The following CSMD3 variants were observed in gnomAD, a reference collection of about 807,000 sequenced individuals.
CSMD3 encodes CUB and Sushi multiple domains 3.
In CSMD3, 177 loss-of-function variants were observed where a neutral mutation model predicts 435.2. That is an observed-to-expected ratio of 0.41 (90% confidence interval 0.36 to 0.46). CSMD3 has a LOEUF of 0.46. Ranked by LOEUF, CSMD3 falls within the 20% of genes least tolerant of loss-of-function variation. CSMD3 has a pLI of 0.34. For missense variants in CSMD3, 4,265 were observed against 4,504.6 expected (o/e 0.95, Z 1.52); for synonymous variants, 1,656 against 1,520.5 (o/e 1.09, Z -2.07).
chr8:112,673,612 A>G (rs188145582), intron 16 of CSMD3, among the ~76,000 whole-genome samples: 1 of 152,242 alleles, frequency 6.6e-6, no homozygotes, highest in East Asian at 1.9e-4. Context: ...TGCTTCCTCA[A>G]AAGAACTCTC....
At chr8:112,264,174 G>T (rs923286646) in intron 60 of CSMD3, among the ~76,000 whole-genome samples, 2 of 152,024 alleles carry the variant, frequency 1.3e-5, no homozygotes, top group African/African-American at 4.8e-5. Flanking sequence ...AGACAGACAA[G>T]ACTTGGGTTG....
intron 22 of CSMD3, among the ~76,000 whole-genome samples, chr8:112,626,978 T>C (rs1256459573): frequency 6.6e-6 from 1 of 152,158 alleles, no homozygotes; most frequent in Non-Finnish European, 1.5e-5. Context: ...CCCTTATTCA[T>C]AGCTCATAAG....
intron 59 of CSMD3, among the ~76,000 whole-genome samples, chr8:112,266,489 G>T (rs999716084): frequency 1.3e-5 from 2 of 152,178 alleles, no homozygotes; most frequent in African/African-American, 4.8e-5. Context: ...TGTTCCAGTG[G>T]ACTTCAATTA....
chr8:112,584,817 G>A (rs7841176), intron 23 of CSMD3, among the ~76,000 whole-genome samples: 87,062 of 150,870 alleles, frequency 0.58, 25,667 homozygotes, highest in African/African-American at 0.69. Context: ...TAAATATAGG[G>A]ATCTAACTGA....
intron 12 of CSMD3, among the ~76,000 whole-genome samples, chr8:112,823,413 AG>A (rs1487868860): frequency 6.6e-6 from 1 of 151,954 alleles, no homozygotes; most frequent in East Asian, 1.9e-4. Context: ...TTGTGATGTC[AG>A]GGTGTCAATT....
chr8:112,678,545 A>C (rs1302050214), intron 16 of CSMD3, among the ~76,000 whole-genome samples: 2 of 152,194 alleles, frequency 1.3e-5, no homozygotes, highest in Admixed American at 1.3e-4. Context: ...GCTATAATTA[A>C]GAAAGAAAGC....
chr8:112,583,140 G>A (rs1374852113), intron 23 of CSMD3, among the ~76,000 whole-genome samples: 1 of 152,008 alleles, frequency 6.6e-6, no homozygotes, highest in African/African-American at 2.4e-5. Context: ...ATTGGTTCCG[G>A]AAGTGTGAAG....
At chr8:112,499,292 G>C (rs1292349081) in intron 30 of CSMD3, among the ~76,000 whole-genome samples, 1 of 152,048 alleles carries the variant, frequency 6.6e-6, no homozygotes, top group Non-Finnish European at 1.5e-5. Context: ...ATATGCACCT[G>C]AAAGCAGGCT....
At chr8:112,982,508 CT>C (rs1433231686) in intron 6 of CSMD3, among the ~76,000 whole-genome samples, 3 of 151,896 alleles carry the variant, frequency 2.0e-5, no homozygotes, top group Non-Finnish European at 4.4e-5. Flanking sequence ...TGGGCTTCCC[CT>C]AAACAAACAA....
intron 10 of CSMD3, among the ~76,000 whole-genome samples, chr8:112,864,067 A>G (rs1417309721): frequency 6.6e-6 from 1 of 152,184 alleles, no homozygotes; most frequent in Non-Finnish European, 1.5e-5. Flanking sequence ...ACATAATTTG[A>G]ATAAGAAACA....
At chr8:113,002,629 G>T (rs1304404058) in intron 6 of CSMD3, among the ~76,000 whole-genome samples, 2 of 152,052 alleles carry the variant, frequency 1.3e-5, no homozygotes, top group African/African-American at 4.8e-5. Context: ...GTCATATAAA[G>T]ACTCAACTTG....
rs115474068 is a variant in CSMD3 at position 112,438,509 on chromosome 8, T to C, written c.5396-29477A>G. 5.9e-3 allele frequency among the ~76,000 whole-genome samples: 892 copies of C among 152,292 alleles called. 9 individuals are homozygous for C. The highest frequency in any genetic ancestry group is 0.02 in the African/African-American group (834 of 41,568). On this transcript the variant is annotated intron_variant, in intron 32 of 70. Coordinates refer to ENST00000297405, the MANE Select transcript of CSMD3 (RefSeq NM_198123.2). ...AATTTCAGCATCTCTTTTAACAAAA[T>C]TTTCTGACTTTGTCTTGGATTTGCT...
intron 32 of CSMD3, among the ~76,000 whole-genome samples, chr8:112,416,910 AG>A (rs1471788911): frequency 1.3e-5 from 2 of 152,132 alleles, no homozygotes; most frequent in Admixed American, 6.6e-5. Context: ...AAGAGGTTGT[AG>A]TGAATTCAGC....
chr8:113,297,949 G>C (rs1467676635), intron 2 of CSMD3, among the ~76,000 whole-genome samples: 1 of 152,006 alleles, frequency 6.6e-6, no homozygotes, highest in Non-Finnish European at 1.5e-5. Context: ...TTAAGCAGAA[G>C]AGACAATATG....
At chr8:112,820,718 G>A (rs2079505704) in intron 12 of CSMD3, among the ~76,000 whole-genome samples, 1 of 151,134 alleles carries the variant, frequency 6.6e-6, no homozygotes, top group Non-Finnish European at 1.5e-5. Context: ...GTATACACGT[G>A]CCATGGTGGT....
At chr8:112,938,885 G>A (rs762032229) in intron 9 of CSMD3, among the ~76,000 whole-genome samples, 2 of 152,036 alleles carry the variant, frequency 1.3e-5, no homozygotes, top group African/African-American at 4.8e-5. Flanking sequence ...CTTTATTACT[G>A]CTAAGTATAG....
At chr8:112,650,122 T>C in intron 19 of CSMD3, 39 bp downstream of exon 19, 1 of 1,389,246 alleles carries the variant, frequency 7.2e-7, no homozygotes, top group Non-Finnish European at 1.0e-6. Flanking sequence ...TTTTTCTGTT[T>C]ATAAATCAGC....
intron 31 of CSMD3, among the ~76,000 whole-genome samples, chr8:112,488,016 A>G (rs1032762374): frequency 6.6e-6 from 1 of 152,206 alleles, no homozygotes; most frequent in Non-Finnish European, 1.5e-5. Context: ...GTAGGCACAG[A>G]TATGCTGTTC....
intron 27 of CSMD3, among the ~76,000 whole-genome samples, chr8:112,545,507 T>TAA (rs1234962952): frequency 3.2e-5 from 3 of 93,524 alleles, no homozygotes; most frequent in Admixed American, 1.4e-4. Flanking sequence ...AAAAAAATAA[T>TAA]AATAATAATA....
Sources: allele counts gnomAD v4.1 joint callset (sites outside exome capture counted in the v4.1 genomes callset), GRCh38; gene constraint gnomAD v4.1.1; transcripts MANE v1.5; gene names NCBI Gene and HGNC (gene_info 2026-07-23, HGNC 2026-07-21).